Variants in FAM53A observed in about 807,000 individuals in gnomAD.
The protein encoded by FAM53A is protein FAM53A.
Under a neutral mutation model 26.6 loss-of-function variants are expected in FAM53A, and 28 were observed. That is an observed-to-expected ratio of 1.05 (90% CI 0.78 to 1.45). The LOEUF (loss-of-function observed/expected upper bound fraction) is 1.45. FAM53A is among the 40% of genes most tolerant of loss of function. The pLI is 0.00. For missense variants in FAM53A, 650 were observed against 575.8 expected, an observed-to-expected ratio of 1.13 and a Z score of -1.32; for synonymous variants, 290 against 253.1, an observed-to-expected ratio of 1.15 and a Z score of -1.38.
chr4:1,655,155 G>T lies in FAM53A; in HGVS notation c.705C>A (p.Pro235=), dbSNP rs1713217826. The T allele has an allele frequency of 6.3e-7, 1 of 1,580,602 alleles. No individual in the cohort carries two copies. The highest frequency in any genetic ancestry group is 8.6e-7 in the Non-Finnish European group (1 of 1,167,440). ...SQERLAGAGT[P]LPWASSSPTS... is the part of the protein sequence containing the mutation. ...TGGGGCTGCTGCTGGCCCAGGGCAGGGGAGTGCCCGCACCCGCGAGTCGCT... is the reference window on the plus strand; with the variant it reads ...TGGGGCTGCTGCTGGCCCAGGGCAGTGGAGTGCCCGCACCCGCGAGTCGCT... Residue 235 remains proline, a synonymous_variant, in exon 4 of 5, where the codon CCC becomes CCA. Transcript: ENST00000308132.
downstream of FAM53A, among the ~76,000 whole-genome samples, chr4:1,636,852 G>A (rs1715864471): frequency 6.6e-6 from 1 of 152,120 alleles, no homozygotes; most frequent in Admixed American, 6.5e-5. Flanking sequence ...CCAAAGGCCA[G>A]CCAGGAGGAG....
At chr4:1,645,113 G>C (rs1202179585) in intron 4 of FAM53A, among the ~76,000 whole-genome samples, 1 of 152,218 alleles carries the variant, frequency 6.6e-6, no homozygotes, top group African/African-American at 2.4e-5. Context: ...TGCTCCCCAA[G>C]GGCCTGGCAG....
intron 1 of FAM53A, among the ~76,000 whole-genome samples, chr4:1,623,594 C>T (rs1715149627): frequency 6.6e-6 from 1 of 152,224 alleles, no homozygotes; most frequent in Non-Finnish European, 1.5e-5. Flanking sequence ...GCACGGTGAC[C>T]TTGCGGTAAC....
At chr4:1,671,994 C>A (rs544271264) in intron 1 of FAM53A, among the ~76,000 whole-genome samples, 70 of 152,328 alleles carry the variant, frequency 4.6e-4, no homozygotes, top group Middle Eastern at 3.4e-3. Flanking sequence ...GCCTGTGACA[C>A]AGAGCAAAGC....
chr4:1,652,508 C>T, intron 4 of FAM53A, among the ~76,000 whole-genome samples: 1 of 147,992 alleles, frequency 6.8e-6, no homozygotes, highest in African/African-American at 2.5e-5. Flanking sequence ...ACACACCACA[C>T]ATTCCACACA....
intron 4 of FAM53A, among the ~76,000 whole-genome samples, chr4:1,649,390 T>C (rs964520448): frequency 6.6e-6 from 1 of 152,200 alleles, no homozygotes; most frequent in Non-Finnish European, 1.5e-5. Context: ...GCTAACACCA[T>C]TCCACAAGCA....
chr4:1,641,068 C>T lies in FAM53A; in HGVS notation c.*225G>A, dbSNP rs1711647571. 1.8e-6 allele frequency: 1 copy of T among 566,020 alleles called. No individual in the cohort carries two copies. Among genetic ancestry groups the T allele is most frequent in the Non-Finnish European group, 3.0e-6 (1 of 329,366 alleles). 35.1% of individuals were successfully genotyped at this position (566,020 alleles called of 1,614,324 possible). A position where few individuals can be genotyped will look rare whatever the true frequency, so the allele number is the denominator to read the frequency against. On this transcript the variant is annotated 3_prime_UTR_variant, in exon 5 of 5. Coordinates refer to ENST00000308132, the MANE Select transcript of FAM53A (RefSeq NM_001174070.3). ...AGGAAACCTACTCTGTGCCCCAGGG[C>T]AGGTGCCGGCGGCAGCCGTGGCCCC... is the stretch of plus-strand genomic sequence containing the variant.
chr4:1,597,676 T>G, the FAM53A span, among the ~76,000 whole-genome samples: 1 of 152,174 alleles, frequency 6.6e-6, no homozygotes, highest in Non-Finnish European at 1.5e-5. Context: ...AGGGAGCACC[T>G]GGGTGGTACA....
intron 4 of FAM53A, 24 bp downstream of exon 4, chr4:1,654,954 C>T: frequency 6.7e-7 from 1 of 1,500,798 alleles, no homozygotes; most frequent in Non-Finnish European, 8.9e-7. Context: ...CCCCTCTGAG[C>T]CCCTGGAAAT....
chr4:1,618,757 C>T (rs907407170), intron 1 of FAM53A, among the ~76,000 whole-genome samples: 1 of 152,190 alleles, frequency 6.6e-6, no homozygotes, highest in Non-Finnish European at 1.5e-5. Context: ...CAGAACCAGC[C>T]ATGCGGGCCT....
At chr4:1,600,910 C>A in the FAM53A span, among the ~76,000 whole-genome samples, 2 of 152,202 alleles carry the variant, frequency 1.3e-5, no homozygotes, top group Non-Finnish European at 2.9e-5. Flanking sequence ...TCCTGTCAGG[C>A]CCAGGCTGTT....
At chr4:1,651,078 G>T (rs565699844) in intron 4 of FAM53A, among the ~76,000 whole-genome samples, 1 of 151,596 alleles carries the variant, frequency 6.6e-6, no homozygotes, top group African/African-American at 2.4e-5. Flanking sequence ...TTAGCTGGGC[G>T]TGATGGTGGG....
intron 4 of FAM53A, among the ~76,000 whole-genome samples, chr4:1,642,344 C>T (rs1016508724): frequency 2.6e-5 from 4 of 152,180 alleles, no homozygotes; most frequent in East Asian, 3.9e-4. Context: ...CCATGCCACG[C>T]CCAGGCCTGT....
downstream of FAM53A, among the ~76,000 whole-genome samples, chr4:1,614,129 G>A (rs148760121): frequency 9.0e-3 from 1,373 of 152,310 alleles, 13 homozygotes; most frequent in African/African-American, 0.032. Flanking sequence ...AGCAGACACT[G>A]GAGGGGCATA....
At chr4:1,627,142 C>A (rs1202957471) in intron 1 of FAM53A, among the ~76,000 whole-genome samples, 1 of 152,196 alleles carries the variant, frequency 6.6e-6, no homozygotes, top group Non-Finnish European at 1.5e-5. Context: ...TCCAGCTTGG[C>A]CTTGCACCCT....
rs192944483 is a variant in FAM53A, at chr4:1,629,731, G to C, written c.432-11620C>G. 6.6e-4 allele frequency among the ~76,000 whole-genome samples: 101 copies of C among 152,296 alleles called. 1 individual carries two copies. The highest frequency in any genetic ancestry group is 2.4e-3 in the African/African-American group (99 of 41,576). On this transcript the variant is annotated intron_variant, in intron 1 of 1. Transcript: ENST00000489029. ...CCCTTGGGAAGAGGGACCCAACCTG[G>C]GGTCCCTTTGGGAGGCTGAGGCAGG...
At chr4:1,644,545 G>A (rs972665293) in intron 4 of FAM53A, 19 of 616,044 alleles carry the variant, frequency 3.1e-5, no homozygotes, top group African/African-American at 1.3e-4. Flanking sequence ...CCTGGACTGC[G>A]CCACCCATCC....
At chr4:1,608,257 C>T in the FAM53A span, among the ~76,000 whole-genome samples, 3 of 152,104 alleles carry the variant, frequency 2.0e-5, no homozygotes, top group African/African-American at 4.8e-5. Context: ...TTCCACCTGC[C>T]GTGCCTGCAC....
chr4:1,624,481 G>A (rs1325414714), intron 1 of FAM53A, among the ~76,000 whole-genome samples: 1 of 152,220 alleles, frequency 6.6e-6, no homozygotes, highest in African/African-American at 2.4e-5. Context: ...GACGGAGAAA[G>A]GAACAAGGCC....
Sources: allele counts gnomAD v4.1 joint callset (sites outside exome capture counted in the v4.1 genomes callset), GRCh38; gene constraint gnomAD v4.1.1; transcripts MANE v1.5; gene names NCBI Gene and HGNC (gene_info 2026-07-23, HGNC 2026-07-21).